The following USH2A variants were observed in gnomAD, a reference collection of about 807,000 sequenced individuals.
USH2A encodes usherin.
A neutral mutation model predicts 538.9 loss-of-function variants in USH2A; 443 were observed. The observed-to-expected ratio is 0.82, with a 90% CI of 0.76 to 0.89. The LOEUF is 0.89. USH2A is among the 40% of genes least tolerant of loss of function. The pLI, the probability that USH2A is intolerant of heterozygous loss-of-function variation, is 0.00. For missense variants in USH2A, 6,633 were observed against 6,324.8 expected, an observed-to-expected ratio of 1.05 and a Z score of -1.65; for synonymous variants, 2,413 against 2,273.5, an observed-to-expected ratio of 1.06 and a Z score of -1.75.
chr1:216,290,595 A>G (rs1571666802), intron 10 of USH2A, among the ~76,000 whole-genome samples: 1 of 152,322 alleles, frequency 6.6e-6, no homozygotes, highest in African/African-American at 2.4e-5. Flanking sequence ...TTTATAAACC[A>G]TGATAAGCAT....
chr1:215,892,566 T>C (rs1396137035), intron 40 of USH2A, among the ~76,000 whole-genome samples: 1 of 152,170 alleles, frequency 6.6e-6, no homozygotes, highest in Admixed American at 6.5e-5. Flanking sequence ...AATTCTTTTA[T>C]CGATTTATTA....
At chr1:215,664,004 A>C (rs1477729134) in intron 64 of USH2A, among the ~76,000 whole-genome samples, 1 of 152,142 alleles carries the variant, frequency 6.6e-6, no homozygotes, top group Non-Finnish European at 1.5e-5. Context: ...GAATGAATGA[A>C]TCCTACATCA....
At chr1:215,750,176 A>G (rs1466783070) in intron 58 of USH2A, among the ~76,000 whole-genome samples, 1 of 152,194 alleles carries the variant, frequency 6.6e-6, no homozygotes, top group Non-Finnish European at 1.5e-5. Context: ...CTTTTAACAA[A>G]TCGAGCTAAA....
intron 46 of USH2A, among the ~76,000 whole-genome samples, chr1:215,839,054 G>T (rs1161948803): frequency 6.6e-6 from 1 of 151,988 alleles, no homozygotes; most frequent in South Asian, 2.1e-4. Context: ...TATTCATAGG[G>T]TACCTAAATG....
chr1:215,867,637 T>A (rs1558135404), intron 43 of USH2A, among the ~76,000 whole-genome samples: 1 of 152,222 alleles, frequency 6.6e-6, no homozygotes, highest in Non-Finnish European at 1.5e-5. Context: ...CCGATACCTA[T>A]GCTTCTTTCC....
At chr1:215,697,633 T>C (rs529304461) in intron 61 of USH2A, among the ~76,000 whole-genome samples, 146 of 152,304 alleles carry the variant, frequency 9.6e-4, no homozygotes, top group African/African-American at 3.4e-3. Context: ...GCAATTCTCC[T>C]GCCTCAGCCT....
chr1:216,303,339 A>G (rs1401284354), intron 9 of USH2A, among the ~76,000 whole-genome samples: 1 of 151,962 alleles, frequency 6.6e-6, no homozygotes, highest in Admixed American at 6.6e-5. Context: ...AAAGGACTTC[A>G]ATGAAGAAAA....
chr1:216,169,436 G>T (rs1306325499), intron 21 of USH2A, among the ~76,000 whole-genome samples: 4 of 152,122 alleles, frequency 2.6e-5, no homozygotes, highest in Admixed American at 2.6e-4. Context: ...TTATGATGTA[G>T]TTGATGAATG....
At chr1:215,861,238 G>T (rs1309873102) in intron 44 of USH2A, among the ~76,000 whole-genome samples, 1 of 152,128 alleles carries the variant, frequency 6.6e-6, no homozygotes, top group African/African-American at 2.4e-5. Context: ...TCAGGGGCCT[G>T]CCAGAGAAAA....
intron 61 of USH2A, among the ~76,000 whole-genome samples, chr1:215,705,509 C>T (rs894312294): frequency 3.3e-5 from 5 of 152,168 alleles, no homozygotes; most frequent in African/African-American, 4.8e-5. Context: ...TTGTTAGATG[C>T]ATGCAATTTC....
At chr1:216,217,938 A>G (rs1385978144) in intron 14 of USH2A, among the ~76,000 whole-genome samples, 1 of 152,108 alleles carries the variant, frequency 6.6e-6, no homozygotes, top group African/African-American at 2.4e-5. Context: ...TAGATTAGGT[A>G]CCCATAAAAT....
chr1:215,765,423 A>G (rs1194328188), intron 56 of USH2A, among the ~76,000 whole-genome samples: 4 of 152,142 alleles, frequency 2.6e-5, no homozygotes. Context: ...CAGGTCTAAT[A>G]TTCCGAGGTA....
rs570964137 is a variant in USH2A, at chr1:216,058,874, A to T, written c.6050-10227T>A. ...TTCATTCTTTTAAGATAAGTATATT[A>T]ATCACTTACCTTGAGCAAGGTAGTG... is the stretch of plus-strand genomic sequence containing the variant. On this transcript the variant is annotated intron_variant, in intron 30 of 71. Coordinates refer to ENST00000307340, the MANE Select transcript of USH2A (RefSeq NM_206933.4). 2.0e-4 allele frequency among the ~76,000 whole-genome samples: 31 copies of T among 152,304 alleles called. No individual in the cohort carries two copies. In the South Asian group the frequency reaches 6.2e-3, roughly 31 times the overall value.
At chr1:215,729,886 G>A (rs571408178) in intron 60 of USH2A, among the ~76,000 whole-genome samples, 2 of 152,324 alleles carry the variant, frequency 1.3e-5, no homozygotes, top group African/African-American at 4.8e-5. Flanking sequence ...GCCTTCCAAA[G>A]TGCTGGGATT....
intron 17 of USH2A, 149 bp downstream of exon 17, chr1:216,199,478 C>A: frequency 4.1e-6 from 5 of 1,207,002 alleles, no homozygotes; most frequent in Non-Finnish European, 5.9e-6. Flanking sequence ...AGGACAAATA[C>A]TATCTTATAT....
At chr1:215,629,508 G>A (rs1019125024) in intron 70 of USH2A, among the ~76,000 whole-genome samples, 7 of 152,034 alleles carry the variant, frequency 4.6e-5, no homozygotes, top group Non-Finnish European at 5.9e-5. Context: ...TGTGAGCTCC[G>A]TTTGTCTTTC....
At chr1:215,826,356 G>GA (rs1663154053) in intron 47 of USH2A, among the ~76,000 whole-genome samples, 1 of 152,160 alleles carries the variant, frequency 6.6e-6, no homozygotes, top group African/African-American at 2.4e-5. Flanking sequence ...GACCTCTCAA[G>GA]AAAAACATAC....
At position 215,849,068 on chromosome 1, in the gene USH2A, C is replaced by T. The variant is rs548894542; in HGVS notation, c.8846-3035G>A. ...AAGAGGCAAGTAAATTTCACCCTCC[C>T]TGTCTATTGAGAAAAGCTGGGTCTG... On this transcript the variant is annotated intron_variant, in intron 44 of 71. Coordinates refer to ENST00000307340, the MANE Select transcript of USH2A (RefSeq NM_206933.4). Among the ~76,000 whole-genome samples, 30 of 152,260 alleles carry T rather than the reference C, an allele frequency of 2.0e-4. No individual in the cohort carries two copies. In the South Asian group the frequency reaches 5.2e-3, roughly 26 times the overall value.
chr1:215,882,777 C>T lies in USH2A; in HGVS notation c.8224-3679G>A, dbSNP rs909041804. 1.2e-3 allele frequency among the ~76,000 whole-genome samples: 177 copies of T among 152,112 alleles called. 1 individual carries two copies. The highest frequency in any genetic ancestry group is 1.3e-4 in the Non-Finnish European group (9 of 67,962). On this transcript the variant is annotated intron_variant, in intron 41 of 71. Transcript: ENST00000307340. ...AGACTTAATTGATTATGGACACACC[C>T]TATTATTTTTTATGGTTGCATAATA...
Sources: allele counts gnomAD v4.1 joint callset (sites outside exome capture counted in the v4.1 genomes callset), GRCh38; gene constraint gnomAD v4.1.1; transcripts MANE v1.5; gene names NCBI Gene and HGNC (gene_info 2026-07-23, HGNC 2026-07-21).